Variants in ADSS2 observed in about 807,000 individuals in gnomAD.
ADSS2 encodes the protein adenylosuccinate synthetase isozyme 2.
In ADSS2, 30 loss-of-function variants were observed where a neutral mutation model predicts 60.0. The ratio of observed to expected loss-of-function variants is 0.50; its 90% CI spans 0.37 to 0.68. The LOEUF (loss-of-function observed/expected upper bound fraction) is 0.68. Ranked by LOEUF, ADSS2 falls within the 30% of genes least tolerant of loss-of-function variation. ADSS2 has a pLI of 0.00. For missense variants in ADSS2, 373 were observed against 554.8 expected (o/e 0.67, Z 3.29); for synonymous variants, 187 against 193.1 (o/e 0.97, Z 0.26).
chr1:244,421,914 C>T (rs867291774), intron 7 of ADSS2, among the ~76,000 whole-genome samples: 6 of 152,144 alleles, frequency 3.9e-5, no homozygotes, highest in Non-Finnish European at 7.4e-5. Flanking sequence ...GTCAAGGCTG[C>T]AGTGAGCTGT....
Position 244,425,358 on chromosome 1 carries a change from A to G in ADSS2, c.407-971T>C, listed in dbSNP as rs182852418. 9.2e-5 allele frequency among the ~76,000 whole-genome samples: 14 copies of G among 152,336 alleles called. No homozygotes were observed. The East Asian group carries it at 2.5e-3, about 27-fold the overall frequency. ...GATGTACAATTTACTGATTTTTAGC[A>G]TATTTAACCATAGCTTCTTTTTGCT... On this transcript the variant is annotated intron_variant, in intron 4 of 12. Coordinates refer to ENST00000366535, the MANE Select transcript of ADSS2 (RefSeq NM_001126.5).
intron 3 of ADSS2, among the ~76,000 whole-genome samples, chr1:244,435,144 G>A (rs952525716): frequency 3.2e-5 from 4 of 125,326 alleles, no homozygotes; most frequent in African/African-American, 1.3e-4. Context: ...CTGCAGCCTG[G>A]GTGACAGAGA....
chr1:244,447,228 T>C (rs1278167878), intron 1 of ADSS2, among the ~76,000 whole-genome samples: 1 of 152,190 alleles, frequency 6.6e-6, no homozygotes, highest in Non-Finnish European at 1.5e-5. Context: ...ACACAGTCCC[T>C]GAGAGATAAG....
chr1:244,427,409 G>T (rs1664832180), intron 4 of ADSS2, among the ~76,000 whole-genome samples: 1 of 152,012 alleles, frequency 6.6e-6, no homozygotes, highest in Admixed American at 6.6e-5. Flanking sequence ...CAATCGAAAA[G>T]AAAGCAGGAA....
At chr1:244,432,949 T>C (rs1398614700) in intron 3 of ADSS2, among the ~76,000 whole-genome samples, 1 of 152,102 alleles carries the variant, frequency 6.6e-6, no homozygotes, top group Non-Finnish European at 1.5e-5. Context: ...TTTAGAAATA[T>C]GTCTAGGCCA....
intron 7 of ADSS2, among the ~76,000 whole-genome samples, chr1:244,421,485 AC>A (rs1421686408): frequency 6.6e-6 from 1 of 152,172 alleles, no homozygotes; most frequent in Non-Finnish European, 1.5e-5. Flanking sequence ...TGAAATGACC[AC>A]ACTAGTCATC....
At chr1:244,411,842 T>A (rs1664425224) in intron 11 of ADSS2, among the ~76,000 whole-genome samples, 1 of 152,242 alleles carries the variant, frequency 6.6e-6, no homozygotes, top group Non-Finnish European at 1.5e-5. Context: ...GCATACCTGC[T>A]GTCTTCTGAG....
intron 12 of ADSS2, among the ~76,000 whole-genome samples, chr1:244,410,248 G>A (rs984440349): frequency 5.3e-5 from 8 of 152,150 alleles, no homozygotes; most frequent in Non-Finnish European, 7.3e-5. Flanking sequence ...GGGGCAACTA[G>A]TAATTTGGAA....
Position 244,422,892 on chromosome 1 carries a change from G to A in ADSS2, c.606C>T (p.Tyr202=), listed in dbSNP as rs1357526695. The A allele has an allele frequency of 6.3e-7, 1 of 1,594,106 alleles. No individual in the cohort carries two copies. The highest frequency in any genetic ancestry group is 1.1e-5 in the South Asian group (1 of 90,282). The change falls in exon 7 of 13, where the codon TAC becomes TAT. Residue 202 remains tyrosine (Y), a synonymous_variant. Transcript: ENST00000366535. ...TTTCCAAAGTGGGGTATATAGATTTGTATTGGTTAGCTAGAACTTTAAACC... is the reference window on the plus strand; with the variant it reads ...TTTCCAAAGTGGGGTATATAGATTTATATTGGTTAGCTAGAACTTTAAACC... ...SERFKVLANQ[Y]KSIYPTLEID... is the part of the protein sequence containing the mutation.
At chr1:244,443,300 C>T (rs534245280) in intron 1 of ADSS2, among the ~76,000 whole-genome samples, 1 of 152,348 alleles carries the variant, frequency 6.6e-6, no homozygotes, top group East Asian at 1.9e-4. Context: ...TAACTACCTC[C>T]TGCTTCTTTG....
intron 3 of ADSS2, among the ~76,000 whole-genome samples, chr1:244,434,353 CAAA>C (rs533431244): frequency 7.5e-6 from 1 of 133,262 alleles, no homozygotes; most frequent in African/African-American, 2.8e-5. Flanking sequence ...ACCATGTCTC[CAAA>C]AAAAAAAAAA....
intron 8 of ADSS2, 37 bp downstream of exon 8, chr1:244,420,133 G>A (rs1291062980): frequency 6.3e-7 from 1 of 1,595,910 alleles, no homozygotes; most frequent in East Asian, 2.2e-5. Flanking sequence ...TTAGGGCTCA[G>A]TTAAGCTCCC....
At chr1:244,427,369 G>C (rs1008364976) in intron 4 of ADSS2, among the ~76,000 whole-genome samples, 1 of 152,076 alleles carries the variant, frequency 6.6e-6, no homozygotes, top group African/African-American at 2.4e-5. Flanking sequence ...TAGCTAGTAA[G>C]TTAACAGTGG....
At chr1:244,441,869 T>C (rs983798273) in intron 1 of ADSS2, among the ~76,000 whole-genome samples, 2 of 152,098 alleles carry the variant, frequency 1.3e-5, no homozygotes, top group African/African-American at 4.8e-5. Context: ...GGCAGGAGAA[T>C]GGCGTGAACC....
intron 1 of ADSS2, among the ~76,000 whole-genome samples, chr1:244,442,079 C>A (rs3006003): frequency 0.83 from 126,513 of 152,200 alleles, 52,859 homozygotes; most frequent in Middle Eastern, 0.9. Flanking sequence ...ACTTTTATAG[C>A]TATACCAATA....
intron 1 of ADSS2, among the ~76,000 whole-genome samples, chr1:244,446,867 C>G (rs1665405168): frequency 1.3e-5 from 2 of 152,118 alleles, no homozygotes; most frequent in African/African-American, 4.8e-5. Context: ...TGAAATTAAA[C>G]TACAGATTTC....
chr1:244,429,506 C>A (rs1370059025), intron 4 of ADSS2, among the ~76,000 whole-genome samples: 1 of 152,178 alleles, frequency 6.6e-6, no homozygotes, highest in African/African-American at 2.4e-5. Flanking sequence ...GGTTTCACAG[C>A]AACGATTCTC....
rs1172943657 is a variant in ADSS2, at chr1:244,432,588, T to C, written c.363A>G (p.Glu121=). ...ATATAATAAGCCTTTTTTCCCAGCC[T>C]TCTAGTCCTAGAAAGGGGAAAAAGA... is the stretch of plus-strand genomic sequence containing the variant. ...EKNVQKGKGL[E]GWEKRLIISD... The change falls in exon 4 of 13, where the codon GAA becomes GAG. Residue 121 remains glutamate, a synonymous_variant. Coordinates refer to ENST00000366535, the MANE Select transcript of ADSS2 (RefSeq NM_001126.5). 6.3e-7 allele frequency: 1 copy of C among 1,576,166 alleles called. No homozygotes were observed. The highest frequency in any genetic ancestry group is 1.2e-5 in the South Asian group (1 of 85,190).
chr1:244,438,476 A>G (rs945610789), intron 1 of ADSS2, among the ~76,000 whole-genome samples: 2 of 152,254 alleles, frequency 1.3e-5, no homozygotes, highest in African/African-American at 4.8e-5. Context: ...ACAAAATGGA[A>G]AAAGTCAAAT....
Sources: allele counts gnomAD v4.1 joint callset (sites outside exome capture counted in the v4.1 genomes callset), GRCh38; gene constraint gnomAD v4.1.1; transcripts MANE v1.5; gene names NCBI Gene and HGNC (gene_info 2026-07-23, HGNC 2026-07-21).